Variants in NLGN1 observed in about 807,000 individuals in gnomAD.
The protein encoded by NLGN1 is neuroligin 1.
NLGN1 carries 12 observed loss-of-function variants against 65.5 expected under a neutral mutation model. The ratio of observed to expected loss-of-function variants is 0.18; its 90% CI spans 0.12 to 0.30. NLGN1 has a LOEUF of 0.30. Ranked by LOEUF, NLGN1 falls within the 10% of genes least tolerant of loss-of-function variation. The pLI, the probability that NLGN1 is intolerant of heterozygous loss-of-function variation, is 1.00. For missense variants in NLGN1, 750 were observed against 1,007.1 expected (o/e 0.74, Z 3.46); for synonymous variants, 350 against 359.5 (o/e 0.97, Z 0.30).
At chr3:173,574,804 A>G (rs1745252291) in intron 2 of NLGN1, among the ~76,000 whole-genome samples, 1 of 152,230 alleles carries the variant, frequency 6.6e-6, no homozygotes, top group South Asian at 2.1e-4. Context: ...GTTCACAAGA[A>G]AACTAGGGGT....
chr3:173,709,894 A>G (rs1311574560), intron 3 of NLGN1, among the ~76,000 whole-genome samples: 1 of 151,556 alleles, frequency 6.6e-6, no homozygotes, highest in Non-Finnish European at 1.5e-5. Context: ...TTACAGCTAC[A>G]TTTTAAAAAC....
intron 3 of NLGN1, among the ~76,000 whole-genome samples, chr3:173,607,579 AT>A (rs931509492): frequency 3.3e-5 from 5 of 151,690 alleles, no homozygotes; most frequent in African/African-American, 1.2e-4. Context: ...AGTAGAAATC[AT>A]TTTTCCGAAC....
At chr3:174,037,842 A>G (rs1272077370) in intron 4 of NLGN1, among the ~76,000 whole-genome samples, 1 of 152,124 alleles carries the variant, frequency 6.6e-6, no homozygotes, top group Non-Finnish European at 1.5e-5. Context: ...TTGGGTGGTA[A>G]TTTAAACAAT....
chr3:173,764,123 A>G (rs1778406008), intron 3 of NLGN1, among the ~76,000 whole-genome samples: 1 of 152,184 alleles, frequency 6.6e-6, no homozygotes, highest in African/African-American at 2.4e-5. Context: ...AATGTCAAAC[A>G]AACAACAAAA....
chr3:173,779,055 A>G (rs1780741223), intron 3 of NLGN1, among the ~76,000 whole-genome samples: 1 of 151,608 alleles, frequency 6.6e-6, no homozygotes, highest in Non-Finnish European at 1.5e-5. Context: ...AAGAATAAGA[A>G]CATTCCTAAA....
chr3:173,493,060 G>A (rs887657791), intron 2 of NLGN1, among the ~76,000 whole-genome samples: 3 of 151,794 alleles, frequency 2.0e-5, no homozygotes, highest in African/African-American at 4.9e-5. Flanking sequence ...TGCACTTATT[G>A]AATTCACATT....
intron 3 of NLGN1, among the ~76,000 whole-genome samples, chr3:173,754,405 T>G (rs907322391): frequency 1.3e-5 from 2 of 152,140 alleles, no homozygotes; most frequent in Non-Finnish European, 2.9e-5. Flanking sequence ...TACATGAAAT[T>G]GCAATGCCCA....
chr3:173,729,662 T>C (rs1268193303), intron 3 of NLGN1, among the ~76,000 whole-genome samples: 1 of 152,078 alleles, frequency 6.6e-6, no homozygotes, highest in Non-Finnish European at 1.5e-5. Flanking sequence ...ATAACATTGC[T>C]AAGTTTAATT....
At chr3:173,440,063 T>C (rs1198917478) in intron 2 of NLGN1, among the ~76,000 whole-genome samples, 2 of 152,188 alleles carry the variant, frequency 1.3e-5, no homozygotes, top group Non-Finnish European at 2.9e-5. Flanking sequence ...TTATGTGATG[T>C]ACTAAATCCT....
At chr3:173,657,327 A>G (rs1246839693) in intron 3 of NLGN1, among the ~76,000 whole-genome samples, 3 of 151,972 alleles carry the variant, frequency 2.0e-5, no homozygotes, top group East Asian at 1.9e-4. Context: ...TTGGGGTTCT[A>G]TAGTGCAAAT....
intron 3 of NLGN1, among the ~76,000 whole-genome samples, chr3:173,681,831 TAATAAATGCTC>T (rs1763987587): frequency 6.6e-6 from 1 of 152,210 alleles, no homozygotes; most frequent in African/African-American, 2.4e-5. Context: ...AATACAGTGC[TAATAAATGCTC>T]AATAATTTCT....
intron 4 of NLGN1, among the ~76,000 whole-genome samples, chr3:174,212,994 C>T (rs1736972961): frequency 6.6e-6 from 1 of 152,192 alleles, no homozygotes; most frequent in Non-Finnish European, 1.5e-5. Flanking sequence ...ATTAGACCCA[C>T]CTGGATAATC....
chr3:173,894,164 T>C lies in NLGN1; in HGVS notation c.646+86332T>C, dbSNP rs185900044. Among the ~76,000 whole-genome samples, 47 of 152,228 alleles carry C rather than the reference T, an allele frequency of 3.1e-4. 1 individual carries two copies. In the East Asian group the frequency reaches 8.9e-3, roughly 29 times the overall value. On this transcript the variant is annotated intron_variant, in intron 4 of 6. Coordinates refer to ENST00000457714, the Ensembl canonical transcript of NLGN1. ...TATCACAGGGTGTTACAATTATTAT[T>C]ATAATAGCACTTATCACAGGGTGTT...
At chr3:174,248,584 A>G (rs1272423420) in intron 4 of NLGN1, among the ~76,000 whole-genome samples, 1 of 152,062 alleles carries the variant, frequency 6.6e-6, no homozygotes, top group Non-Finnish European at 1.5e-5. Context: ...AAACAGGGAA[A>G]CCCCATCTCT....
At chr3:173,856,324 T>C (rs1471323141) in intron 4 of NLGN1, among the ~76,000 whole-genome samples, 2 of 152,122 alleles carry the variant, frequency 1.3e-5, no homozygotes, top group African/African-American at 4.8e-5. Context: ...TTGCTCAGAT[T>C]ATCTCATTTA....
chr3:173,557,036 T>C (rs1172798126), intron 2 of NLGN1, among the ~76,000 whole-genome samples: 2 of 28,134 alleles, frequency 7.1e-5, no homozygotes, highest in African/African-American at 4.8e-4. Flanking sequence ...GCATACTGAT[T>C]TTTTTTGTCT....
chr3:174,164,502 T>G (rs576143627), intron 4 of NLGN1, among the ~76,000 whole-genome samples: 2 of 152,170 alleles, frequency 1.3e-5, no homozygotes, highest in African/African-American at 4.8e-5. Flanking sequence ...AGGTCTTACC[T>G]TTAACTCTTT....
At chr3:174,265,835 A>G (rs1748047540) in intron 4 of NLGN1, among the ~76,000 whole-genome samples, 1 of 146,298 alleles carries the variant, frequency 6.8e-6, no homozygotes, top group African/African-American at 2.5e-5. Flanking sequence ...CTATATATAT[A>G]TGTTGTCCTC....
chr3:173,443,843 A>G (rs946801057), intron 2 of NLGN1, among the ~76,000 whole-genome samples: 12 of 152,310 alleles, frequency 7.9e-5, no homozygotes, highest in Non-Finnish European at 1.5e-4. Flanking sequence ...AGGTAATACA[A>G]TTTTGAAATA....
Sources: allele counts gnomAD v4.1 joint callset (sites outside exome capture counted in the v4.1 genomes callset), GRCh38; gene constraint gnomAD v4.1.1; transcripts MANE v1.5; gene names NCBI Gene and HGNC (gene_info 2026-07-23, HGNC 2026-07-21).